The following HHLA2 variants were observed in gnomAD, a reference collection of about 807,000 sequenced individuals.
The protein encoded by HHLA2 is HERV-H LTR-associating protein 2.
In HHLA2, 48 loss-of-function variants were observed where a neutral mutation model predicts 45.9. The observed-to-expected ratio is 1.05, with a 90% CI of 0.83 to 1.33. HHLA2 has a LOEUF of 1.33. Among genes scored for constraint, HHLA2 ranks in the 40% most tolerant of loss-of-function variants. The pLI is 0.00. For missense variants in HHLA2, 462 were observed against 494.3 expected, an observed-to-expected ratio of 0.93 and a Z score of 0.62; for synonymous variants, 161 against 173.9, an observed-to-expected ratio of 0.93 and a Z score of 0.59.
chr3:108,371,087 G>C (rs553848886), intron 8 of HHLA2, among the ~76,000 whole-genome samples: 23 of 152,286 alleles, frequency 1.5e-4, no homozygotes, highest in African/African-American at 5.1e-4. Flanking sequence ...GAAAAGTCGG[G>C]TTACCCACAA....
chr3:108,352,462 C>T (rs537424144), intron 4 of HHLA2, among the ~76,000 whole-genome samples: 5 of 152,270 alleles, frequency 3.3e-5, no homozygotes, highest in South Asian at 4.1e-4. Flanking sequence ...CACTTGGGCA[C>T]GCAGTTCTTC....
At chr3:108,308,747 A>G (rs2080970754) in intron 1 of HHLA2, among the ~76,000 whole-genome samples, 1 of 152,100 alleles carries the variant, frequency 6.6e-6, no homozygotes, top group African/African-American at 2.4e-5. Context: ...TTTGATTTGC[A>G]TTTCTCTGAT....
chr3:108,299,253 G>A (rs2080812037), intron 1 of HHLA2, among the ~76,000 whole-genome samples: 1 of 150,846 alleles, frequency 6.6e-6, no homozygotes, highest in Non-Finnish European at 1.5e-5. Context: ...TATCAACTTG[G>A]CAACAAGGAA....
chr3:108,351,053 G>T (rs2081767842), intron 3 of HHLA2, among the ~76,000 whole-genome samples: 1 of 152,144 alleles, frequency 6.6e-6, no homozygotes, highest in Non-Finnish European at 1.5e-5. Flanking sequence ...CTTTAAACAA[G>T]CTATTTCTTA....
chr3:108,353,516 T>G, exon 5 of HHLA2: 1 of 1,612,060 alleles, frequency 6.2e-7, no homozygotes, highest in East Asian at 2.2e-5. Flanking sequence ...TCTCCCTTCT[T>G]CATTTGAGAG....
intron 8 of HHLA2, among the ~76,000 whole-genome samples, chr3:108,363,931 G>A (rs897960610): frequency 1.3e-5 from 2 of 152,004 alleles, no homozygotes; most frequent in African/African-American, 4.8e-5. Context: ...TGGAAGGAGA[G>A]AGTCACGTAA....
intron 2 of HHLA2, among the ~76,000 whole-genome samples, chr3:108,320,343 G>T (rs565723121): frequency 6.6e-5 from 10 of 152,218 alleles, no homozygotes; most frequent in African/African-American, 2.4e-4. Context: ...AAGAACAACA[G>T]AAAAAAACCT....
At chr3:108,355,403 G>A (rs755257265) in intron 6 of HHLA2, 22 bp downstream of exon 5, 1 of 1,604,344 alleles carries the variant, frequency 6.2e-7, no homozygotes, top group East Asian at 2.2e-5. Context: ...AGGACTTTCT[G>A]TGTACACGTG....
At chr3:108,368,800 A>G (rs569911819) in intron 8 of HHLA2, among the ~76,000 whole-genome samples, 1 of 152,218 alleles carries the variant, frequency 6.6e-6, no homozygotes, top group South Asian at 2.1e-4. Flanking sequence ...TTAACACCCC[A>G]CTGTCAATAT....
intron 2 of HHLA2, among the ~76,000 whole-genome samples, chr3:108,322,763 C>T (rs62266191): frequency 0.025 from 3,824 of 152,244 alleles, 89 homozygotes; most frequent in East Asian, 0.11. Flanking sequence ...GTGTACATGG[C>T]GTCATCAGTC....
intron 5 of HHLA2, 24 bp from the exon 5 acceptor site, chr3:108,355,091 T>C (rs1161938424): frequency 2.5e-6 from 4 of 1,592,196 alleles, no homozygotes; most frequent in African/African-American, 2.7e-5. Context: ...CAGTTTTTCA[T>C]GCGCCCTTCT....
At chr3:108,305,010 TG>T (rs1270052975) in intron 1 of HHLA2, among the ~76,000 whole-genome samples, 2 of 152,362 alleles carry the variant, frequency 1.3e-5, no homozygotes, top group East Asian at 1.9e-4. Flanking sequence ...TTGAAGATTC[TG>T]TCTGTTTTTA....
At chr3:108,339,934 C>G (rs1298816270) in intron 3 of HHLA2, among the ~76,000 whole-genome samples, 2 of 152,140 alleles carry the variant, frequency 1.3e-5, no homozygotes, top group Admixed American at 6.5e-5. Flanking sequence ...AAAGAAAAAT[C>G]TGGTTCAAAA....
intron 8 of HHLA2, among the ~76,000 whole-genome samples, chr3:108,363,025 CT>C (rs901214213): frequency 3.9e-5 from 6 of 152,034 alleles, no homozygotes; most frequent in Non-Finnish European, 7.4e-5. Context: ...TTGTTCTTTT[CT>C]TATGGGTCAT....
At chr3:108,346,996 C>G (rs895304516) in intron 3 of HHLA2, among the ~76,000 whole-genome samples, 2 of 152,190 alleles carry the variant, frequency 1.3e-5, no homozygotes, top group Non-Finnish European at 2.9e-5. Flanking sequence ...CTCTGCCTTT[C>G]TCCCTCACAT....
At chr3:108,336,898 G>A in intron 3 of HHLA2, among the ~76,000 whole-genome samples, 1 of 152,000 alleles carries the variant, frequency 6.6e-6, no homozygotes, top group East Asian at 1.9e-4. Context: ...TCTGGCTTGG[G>A]GATAAATGGC....
intron 3 of HHLA2, among the ~76,000 whole-genome samples, chr3:108,347,714 T>C (rs906687785): frequency 2.0e-5 from 3 of 152,140 alleles, no homozygotes; most frequent in Non-Finnish European, 2.9e-5. Flanking sequence ...ATAGTGGCTT[T>C]GGAGCAGGAT....
chr3:108,338,059 G>A (rs1283935438), intron 3 of HHLA2, among the ~76,000 whole-genome samples: 1 of 151,772 alleles, frequency 6.6e-6, no homozygotes, highest in African/African-American at 2.4e-5. Context: ...GTATATAAGT[G>A]TATGTACAAA....
rs184747471 is a variant in HHLA2 at position 108,314,649 on chromosome 3, T to C, written c.-105+3908T>C. On this transcript the variant is annotated intron_variant, in intron 2 of 10. Transcript: ENST00000619531. ...AAGGTGAGGAGAGGGCGGTAGGCTG[T>C]GAACGAATATTTGTGTACCTATTAT... 1.6e-4 allele frequency among the ~76,000 whole-genome samples: 24 copies of C among 152,274 alleles called. No individual in the cohort carries two copies. The East Asian group carries it at 4.4e-3, about 28-fold the overall frequency.
Sources: allele counts gnomAD v4.1 joint callset (sites outside exome capture counted in the v4.1 genomes callset), GRCh38; gene constraint gnomAD v4.1.1; transcripts MANE v1.5; gene names NCBI Gene and HGNC (gene_info 2026-07-23, HGNC 2026-07-21).